The following RAB27A variants were observed in gnomAD, a reference collection of about 807,000 sequenced individuals.
RAB27A encodes RAB27A, member RAS oncogene family.
RAB27A carries 17 observed loss-of-function variants against 20.8 expected under a neutral mutation model. The observed-to-expected ratio is 0.82, with a 90% CI of 0.56 to 1.23. RAB27A has a LOEUF of 1.23. RAB27A is among the 50% of genes most tolerant of loss of function. The pLI is 0.00. For missense variants in RAB27A, 277 were observed against 266.7 expected (o/e 1.04, Z -0.27); for synonymous variants, 85 against 92.8 (o/e 0.92, Z 0.48).
intron 2 of RAB27A, among the ~76,000 whole-genome samples, chr15:55,313,387 C>T (rs569371389): frequency 2.0e-4 from 30 of 152,216 alleles, no homozygotes; most frequent in East Asian, 3.9e-4. Context: ...GGTGACAGAG[C>T]GAGACCCTAT....
Position 55,203,727 on chromosome 15 carries a change from T to C in RAB27A, c.*1780A>G, listed in dbSNP as rs1894510211. On this transcript the variant is annotated 3_prime_UTR_variant, in exon 7 of 7. Transcript: ENST00000336787. ...GTGAGCCACCGCGCCTGGCCAACCC[T>C]GCTCTTGAAATGTCTAAATCTTTTC... 6.6e-6 allele frequency: 1 copy of C among 151,990 alleles called. No homozygotes were observed. Among genetic ancestry groups the C allele is most frequent in the African/African-American group, 2.4e-5 (1 of 41,360 alleles). The allele number at this position is 151,990 out of a possible 1,614,324, so 9.4% of individuals were successfully genotyped here. A position where few individuals can be genotyped will look rare whatever the true frequency, so the allele number is the denominator to read the frequency against.
intron 6 of RAB27A, among the ~76,000 whole-genome samples, chr15:55,223,298 AG>A (rs1411317783): frequency 6.6e-6 from 1 of 151,960 alleles, no homozygotes; most frequent in African/African-American, 2.4e-5. Context: ...CAAGGTCAGG[AG>A]TTGGAGACCA....
chr15:55,209,505 A>G (rs928083565), intron 6 of RAB27A, among the ~76,000 whole-genome samples: 6 of 152,092 alleles, frequency 3.9e-5, no homozygotes, highest in African/African-American at 1.4e-4. Flanking sequence ...ATTCCATTGT[A>G]TATATAAACC....
At chr15:55,299,523 G>A (rs565219627) in intron 2 of RAB27A, among the ~76,000 whole-genome samples, 1 of 151,772 alleles carries the variant, frequency 6.6e-6, no homozygotes, top group African/African-American at 2.4e-5. Flanking sequence ...CAACCCAGGA[G>A]GCTGAGTTGC....
rs1198195375 is a variant in RAB27A at position 55,209,786 on chromosome 15, ATGTGTGTATG to A, written c.468-4091_468-4082del. Among the ~76,000 whole-genome samples, 14 of 86,814 alleles carry A rather than the reference ATGTGTGTATG, an allele frequency of 1.6e-4. 1 individual carries two copies. The highest frequency in any genetic ancestry group is 9.7e-4 in the South Asian group (3 of 3,080). The allele number at this position is 86,814 out of a possible 152,430, so 57.0% of individuals were successfully genotyped here. On this transcript the variant is annotated intron_variant, in intron 6 of 6. Transcript: ENST00000336787. ...TGTACATATACATATATACACACATATGTGTGTATGTATACATATATACACACATGTGTGT... is the reference window on the plus strand; with the variant it reads ...TGTACATATACATATATACACACATATATACATATATACACACATGTGTGT...
chr15:55,302,232 C>G (rs117906549), intron 2 of RAB27A, among the ~76,000 whole-genome samples: 2 of 151,998 alleles, frequency 1.3e-5, no homozygotes, highest in Non-Finnish European at 2.9e-5. Flanking sequence ...CAACAACACC[C>G]GCCGCCACGC....
rs140312017 is a variant in RAB27A, at chr15:55,213,673, T to G, written c.468-7968A>C. 3.3e-5 allele frequency among the ~76,000 whole-genome samples: 5 copies of G among 152,290 alleles called. No individual in the cohort carries two copies. In the East Asian group the frequency reaches 9.6e-4, roughly 29 times the overall value. On this transcript the variant is annotated intron_variant, in intron 6 of 6. Coordinates refer to ENST00000336787, the MANE Select transcript of RAB27A (RefSeq NM_183235.3). ...GATTCTCATAGGAGCACAAGCCATA[T>G]TGTGAACTGCCCATGTGAGGGATCT...
At chr15:55,278,704 G>C (rs533253878) in intron 1 of RAB27A, among the ~76,000 whole-genome samples, 147 of 152,080 alleles carry the variant, frequency 9.7e-4, no homozygotes, top group Non-Finnish European at 1.9e-3. Flanking sequence ...GGATGGTCTC[G>C]ATCTCCTGAC....
chr15:55,208,314 A>G lies in RAB27A; in HGVS notation c.468-2609T>C, dbSNP rs1000862012. Among the ~76,000 whole-genome samples the G allele has an allele frequency of 1.3e-4, 20 of 152,380 alleles. 1 individual carries two copies. The highest frequency in any genetic ancestry group is 7.8e-4 in the Admixed American group (12 of 15,304). Reference sequence around the variant, plus strand: ...TAGTAAAAGTACAACTTCTTGGACTAGAAATATATAATTTTGACTGCTTTT... The same window carrying G: ...TAGTAAAAGTACAACTTCTTGGACTGGAAATATATAATTTTGACTGCTTTT... On this transcript the variant is annotated intron_variant, in intron 6 of 6. Coordinates refer to ENST00000336787, the MANE Select transcript of RAB27A (RefSeq NM_183235.3).
intron 6 of RAB27A, among the ~76,000 whole-genome samples, chr15:55,214,686 C>T (rs1895199237): frequency 6.6e-6 from 1 of 152,114 alleles, no homozygotes; most frequent in Non-Finnish European, 1.5e-5. Context: ...TTTTTTCCTC[C>T]ATCTATCACC....
chr15:55,260,939 T>A (rs1246682281), intron 2 of RAB27A, among the ~76,000 whole-genome samples: 1 of 151,752 alleles, frequency 6.6e-6, no homozygotes. Flanking sequence ...CTTTGGATGA[T>A]AATGTGTCAA....
chr15:55,233,605 T>C (rs1019822601), intron 3 of RAB27A, among the ~76,000 whole-genome samples: 2 of 152,106 alleles, frequency 1.3e-5, no homozygotes, highest in Admixed American at 1.3e-4. Context: ...TCCATTTATA[T>C]GGTGTGTGCA....
intron 2 of RAB27A, among the ~76,000 whole-genome samples, chr15:55,269,474 C>A (rs1418048107): frequency 6.6e-6 from 1 of 152,134 alleles, no homozygotes; most frequent in Non-Finnish European, 1.5e-5. Context: ...AGGCCGGGCA[C>A]GGTGGCTCAT....
rs140386489 is a variant in RAB27A, at chr15:55,245,503, T to C, written c.-22-10547A>G. Among the ~76,000 whole-genome samples, 7 of 152,346 alleles carry C rather than the reference T, an allele frequency of 4.6e-5. No individual in the cohort carries two copies. In the East Asian group the frequency reaches 1.3e-3, roughly 29 times the overall value. On this transcript the variant is annotated intron_variant, in intron 2 of 6. Transcript: ENST00000336787. Reference sequence around the variant, plus strand: ...AAATTCAGAATATTAGATAACTGCATTTTATATTCACCTATAACCTAAGAT... The same window carrying C: ...AAATTCAGAATATTAGATAACTGCACTTTATATTCACCTATAACCTAAGAT...
intron 2 of RAB27A, among the ~76,000 whole-genome samples, chr15:55,253,503 G>A (rs986967441): frequency 6.6e-6 from 1 of 151,880 alleles, no homozygotes; most frequent in South Asian, 2.1e-4. Context: ...CCTTCACTAA[G>A]TTTCGTTTTC....
Position 55,254,279 on chromosome 15 carries a change from ACTTG to A in RAB27A, c.-23+15882_-23+15885del, listed in dbSNP as rs200149431. On this transcript the variant is annotated intron_variant, in intron 2 of 6. Transcript: ENST00000336787. The stretch of plus-strand genomic sequence containing the variant: ...TTTAAGTTATTACTTTCCTATACAT[ACTTG>A]CTTATCACATAAAAAATATAATTGC... Among the ~76,000 whole-genome samples, 416 of 152,270 alleles carry A rather than the reference ACTTG, an allele frequency of 2.7e-3. 4 individuals carry two copies. The highest frequency in any genetic ancestry group is 2.5e-3 in the East Asian group (13 of 5,188).
At chr15:55,316,177 G>A (rs2055042461) in intron 1 of RAB27A, among the ~76,000 whole-genome samples, 1 of 147,342 alleles carries the variant, frequency 6.8e-6, no homozygotes, top group Non-Finnish European at 1.5e-5. Context: ...AGAGGTTGCA[G>A]CAAACCAATA....
chr15:55,266,496 T>C (rs1566929175), intron 2 of RAB27A, among the ~76,000 whole-genome samples: 3 of 152,220 alleles, frequency 2.0e-5, no homozygotes, highest in African/African-American at 7.2e-5. Context: ...GAAATCAATA[T>C]AACTTCTTAA....
At chr15:55,294,820 G>A (rs1047423120) in intron 2 of RAB27A, among the ~76,000 whole-genome samples, 2 of 152,010 alleles carry the variant, frequency 1.3e-5, no homozygotes, top group African/African-American at 4.8e-5. Context: ...AGCAACAGAA[G>A]AAAAGAGTAG....
Sources: gnomAD v4.1 joint callset for allele counts (sites outside exome capture counted in the v4.1 genomes callset) on GRCh38, gnomAD v4.1.1 for gene constraint, MANE v1.5 for transcripts, NCBI Gene and HGNC (gene_info 2026-07-23, HGNC 2026-07-21) for gene names.